Variants in ROBO2 observed in about 807,000 individuals in gnomAD.
ROBO2 encodes the protein roundabout guidance receptor 2.
A neutral mutation model predicts 160.8 loss-of-function variants in ROBO2; 53 were observed. The observed-to-expected ratio is 0.33, with a 90% CI of 0.26 to 0.41. The LOEUF (loss-of-function observed/expected upper bound fraction) is 0.41, where lower values mean the gene tolerates loss of function less well. Ranked by LOEUF, ROBO2 falls within the 10% of genes least tolerant of loss-of-function variation. The pLI is 1.00. For synonymous variants in ROBO2, 664 were observed against 611.7 expected, an observed-to-expected ratio of 1.09 and a Z score of -1.26; for missense variants, 1,577 against 1,722.4, an observed-to-expected ratio of 0.92 and a Z score of 1.49.
Position 77,134,840 on chromosome 3 carries a change from A to G in ROBO2, c.388+36500A>G, listed in dbSNP as rs138776453. 2.8e-3 allele frequency among the ~76,000 whole-genome samples: 433 copies of G among 152,352 alleles called. 3 individuals carry two copies. Among genetic ancestry groups the G allele is most frequent in the African/African-American group, 9.9e-3 (412 of 41,590 alleles). ...GTACAGCTATCCAGCCAGGACTCAT[A>G]ACCCTTAATAAGTCACTCTACTCGA... On this transcript the variant is annotated intron_variant, in intron 2 of 25. Coordinates refer to ENST00000461745, the Ensembl canonical transcript of ROBO2.
At chr3:76,376,145 C>A (rs1439980009) in intron 2 of ROBO2, among the ~76,000 whole-genome samples, 1 of 151,826 alleles carries the variant, frequency 6.6e-6, no homozygotes, top group African/African-American at 2.4e-5. Context: ...TCTTCCTATT[C>A]TTGGTCTTAA....
At chr3:77,075,023 A>G (rs1445099197) in intron 1 of ROBO2, among the ~76,000 whole-genome samples, 2 of 152,234 alleles carry the variant, frequency 1.3e-5, no homozygotes, top group African/African-American at 2.4e-5. Flanking sequence ...AAAGTTGAAC[A>G]CATCAAAACC....
chr3:76,756,972 A>G (rs535480608), intron 2 of ROBO2, among the ~76,000 whole-genome samples: 1 of 151,944 alleles, frequency 6.6e-6, no homozygotes, highest in African/African-American at 2.4e-5. Context: ...GGGCACATAA[A>G]CTGTTTTGCC....
intron 2 of ROBO2, among the ~76,000 whole-genome samples, chr3:76,734,362 G>T (rs2093678476): frequency 6.6e-6 from 1 of 152,124 alleles, no homozygotes; most frequent in Admixed American, 6.5e-5. Flanking sequence ...ATGACAACGG[G>T]TATAAACTGA....
chr3:76,752,609 A>G (rs2060740407), intron 2 of ROBO2, among the ~76,000 whole-genome samples: 1 of 151,836 alleles, frequency 6.6e-6, no homozygotes, highest in Non-Finnish European at 1.5e-5. Flanking sequence ...AATTAGAATC[A>G]CATTACAGAA....
chr3:77,305,761 A>C (rs72895197), intron 2 of ROBO2, among the ~76,000 whole-genome samples: 1 of 152,180 alleles, frequency 6.6e-6, no homozygotes, highest in Admixed American at 6.5e-5. Flanking sequence ...ATTTTGAAAA[A>C]TAATCAGACT....
At chr3:76,473,549 A>T (rs1411662297) in intron 2 of ROBO2, among the ~76,000 whole-genome samples, 1 of 152,164 alleles carries the variant, frequency 6.6e-6, no homozygotes, top group African/African-American at 2.4e-5. Context: ...TGAGAGTCTG[A>T]CTAGAACAAC....
intron 2 of ROBO2, among the ~76,000 whole-genome samples, chr3:76,960,116 T>A (rs2079542194): frequency 7.0e-6 from 1 of 142,754 alleles, no homozygotes; most frequent in Admixed American, 6.7e-5. Context: ...TCAAAAATTG[T>A]TTTTGACATT....
chr3:75,934,154 A>G (rs574059966), intron 1 of ROBO2, among the ~76,000 whole-genome samples: 1 of 152,238 alleles, frequency 6.6e-6, no homozygotes, highest in Non-Finnish European at 1.5e-5. Context: ...GATGAACACT[A>G]TTGAATGGAA....
chr3:76,748,750 T>A (rs2093933222), intron 2 of ROBO2, among the ~76,000 whole-genome samples: 1 of 151,884 alleles, frequency 6.6e-6, no homozygotes, highest in African/African-American at 2.4e-5. Flanking sequence ...ACTGTTACAT[T>A]TTAAAGGACA....
chr3:77,092,536 A>G (rs1470655513), intron 1 of ROBO2, among the ~76,000 whole-genome samples: 1 of 148,080 alleles, frequency 6.8e-6, no homozygotes, highest in Non-Finnish European at 1.5e-5. Flanking sequence ...TTATTATAAA[A>G]GAGAGAAAGA....
chr3:75,987,365 T>C (rs2065442054), intron 2 of ROBO2, among the ~76,000 whole-genome samples: 1 of 151,988 alleles, frequency 6.6e-6, no homozygotes, highest in African/African-American at 2.4e-5. Context: ...TAAGTAAAAA[T>C]GAAACTAATG....
chr3:77,559,491 AAAATTTCAGTG>A (rs2093249884), intron 9 of ROBO2, among the ~76,000 whole-genome samples: 1 of 152,134 alleles, frequency 6.6e-6, no homozygotes. Flanking sequence ...GTGCATGAAG[AAAATTTCAGTG>A]GAGGAGAAAT....
At chr3:77,366,876 G>A (rs1306601480) in intron 2 of ROBO2, among the ~76,000 whole-genome samples, 1 of 145,730 alleles carries the variant, frequency 6.9e-6, no homozygotes. Flanking sequence ...GGAATTAATA[G>A]TGAGAACTCT....
At chr3:76,648,632 C>G (rs1337392808) in intron 2 of ROBO2, among the ~76,000 whole-genome samples, 1 of 151,848 alleles carries the variant, frequency 6.6e-6, no homozygotes, top group African/African-American at 2.4e-5. Context: ...AACATACTAT[C>G]AAAACTTTCA....
At chr3:76,103,906 C>T (rs2069809786) in intron 2 of ROBO2, among the ~76,000 whole-genome samples, 1 of 152,152 alleles carries the variant, frequency 6.6e-6, no homozygotes, top group Non-Finnish European at 1.5e-5. Flanking sequence ...CCAGGACATA[C>T]GAGCCCCAGT....
chr3:76,788,222 A>G (rs564597095), intron 2 of ROBO2, among the ~76,000 whole-genome samples: 42 of 151,566 alleles, frequency 2.8e-4, no homozygotes, highest in South Asian at 6.2e-4. Context: ...TAGACTTTGG[A>G]CAAAATGTGT....
intron 2 of ROBO2, among the ~76,000 whole-genome samples, chr3:76,076,498 T>C (rs185255262): frequency 2.6e-5 from 4 of 152,212 alleles, no homozygotes; most frequent in African/African-American, 7.2e-5. Context: ...TTATAGAGGG[T>C]GGAGGTGCTT....
At chr3:76,085,112 TATATACAC>T (rs1166861658) in intron 2 of ROBO2, among the ~76,000 whole-genome samples, 81 of 146,774 alleles carry the variant, frequency 5.5e-4, no homozygotes, top group Middle Eastern at 3.5e-3. Flanking sequence ...CATATATATA[TATATACAC>T]ACACACACAC....
Sources: gnomAD v4.1 joint callset for allele counts (sites outside exome capture counted in the v4.1 genomes callset) on GRCh38, gnomAD v4.1.1 for gene constraint, MANE v1.5 for transcripts, NCBI Gene and HGNC (gene_info 2026-07-23, HGNC 2026-07-21) for gene names.